TEX261: variants seen among roughly 807,000 people sequenced by gnomAD.
The protein encoded by TEX261 is testis expressed 261, also known as protein TEX261.
A neutral mutation model predicts 25.1 loss-of-function variants in TEX261; 13 were observed. The ratio of observed to expected loss-of-function variants is 0.52; its 90% CI spans 0.34 to 0.82. TEX261 has a LOEUF of 0.82. Ranked by LOEUF, TEX261 falls within the 40% of genes least tolerant of loss-of-function variation. The pLI is 0.02. For missense variants in TEX261, 206 were observed against 243.2 expected (o/e 0.85, Z 1.02); for synonymous variants, 92 against 97.8 (o/e 0.94, Z 0.35).
intron 4 of TEX261, chr2:70,989,241 G>A: frequency 1.7e-6 from 1 of 585,688 alleles, no homozygotes. Context: ...CCATATCTTG[G>A]TCGCTAGGAC....
chr2:70,994,590 T>C, intron 1 of TEX261, 98 bp downstream of exon 1: 1 of 1,501,204 alleles, frequency 6.7e-7, no homozygotes, highest in Non-Finnish European at 9.0e-7. Flanking sequence ...CGCCGGGCAG[T>C]GGTCCCCCGA....
chr2:70,994,320 G>A (rs1670364751), intron 1 of TEX261, among the ~76,000 whole-genome samples: 1 of 152,294 alleles, frequency 6.6e-6, no homozygotes, highest in Non-Finnish European at 1.5e-5. Flanking sequence ...GGTGGAGAGA[G>A]CAGGGAGCAT....
At chr2:70,988,824 A>G in intron 5 of TEX261, 91 bp downstream of exon 5, 1 of 1,533,494 alleles carries the variant, frequency 6.5e-7, no homozygotes, top group Non-Finnish European at 9.0e-7. Context: ...TCTCCAACAC[A>G]GGGCTAGATT....
intron 2 of TEX261, 22 bp from the exon 3 acceptor site, chr2:70,992,005 A>G: frequency 1.3e-6 from 2 of 1,552,176 alleles, no homozygotes; most frequent in Non-Finnish European, 1.7e-6. Flanking sequence ...AGAGGCAGAC[A>G]GTGCAGGGCG....
intron 3 of TEX261, among the ~76,000 whole-genome samples, chr2:70,990,122 A>C (rs1056524352): frequency 2.0e-5 from 3 of 152,144 alleles, no homozygotes; most frequent in Non-Finnish European, 2.9e-5. Context: ...TTTTTCGTGG[A>C]TGTGAGGGCT....
Position 70,988,984 on chromosome 2 carries a change from T to C in TEX261, c.406A>G (p.Ile136Val), listed in dbSNP as rs782589021. The stretch of plus-strand genomic sequence containing the variant: ...AGTGACACAAAAAACGCAAACGGAA[T>C]TATCCACAGGCAGAAAGTGAAATAG... The part of the protein sequence containing the change: ...LAYFTFCLWI[I>V]PFAFFVSLSA... The change falls in exon 5 of 6, where the codon ATT becomes GTT. Residue 136 changes from isoleucine (I) to valine (V), a missense_variant. Coordinates refer to ENST00000272438, the MANE Select transcript of TEX261 (RefSeq NM_144582.3). The C allele has an allele frequency of 3.1e-6, 5 of 1,613,906 alleles. No homozygotes were observed. In the African/African-American group the frequency reaches 6.7e-5, roughly 22 times the overall value.
At position 70,991,881 on chromosome 2, in the gene TEX261, G is replaced by A; in HGVS notation, c.253C>T (p.Gln85Ter). Reference sequence around the variant, plus strand: ...GTCAGCATGATGAAGGGGAAGGTCTGGAGGAGGCCAAAGTAGACGAGGTTG... The same window carrying A: ...GTCAGCATGATGAAGGGGAAGGTCTAGAGGAGGCCAAAGTAGACGAGGTTG... ...FTNLVYFGLLQTFPFIMLTSP... is the reference protein window; with the variant it reads ...FTNLVYFGLL The change falls in exon 3 of 6, where the codon CAG becomes TAG. Residue 85 changes from glutamine (Q) to a stop codon, truncating the protein, a stop_gained. Coordinates refer to ENST00000272438, the MANE Select transcript of TEX261 (RefSeq NM_144582.3). LOFTEE classifies it high-confidence loss of function. 6.2e-7 allele frequency: 1 copy of A among 1,613,892 alleles called. No homozygotes were observed. The highest frequency in any genetic ancestry group is 8.5e-7 in the Non-Finnish European group (1 of 1,179,896).
At chr2:70,990,819 C>G (rs1181971420) in intron 3 of TEX261, among the ~76,000 whole-genome samples, 1 of 152,176 alleles carries the variant, frequency 6.6e-6, no homozygotes, top group African/African-American at 2.4e-5. Context: ...GAGCCTGCTG[C>G]TGAGGGGCTG....
chr2:70,993,132 C>T (rs1429851136), intron 2 of TEX261, among the ~76,000 whole-genome samples: 1 of 152,222 alleles, frequency 6.6e-6, no homozygotes, highest in Non-Finnish European at 1.5e-5. Context: ...GCACCCCTAC[C>T]CCCAGCCTTT....
At chr2:70,989,158 G>A (rs1010931184) in intron 4 of TEX261, 141 bp from the exon 5 acceptor site, 7 of 690,678 alleles carry the variant, frequency 1.0e-5, no homozygotes, top group African/African-American at 7.2e-5. Flanking sequence ...AGCAGGGAAC[G>A]CCACCCTCAG....
rs1054331175 is a variant in TEX261, at chr2:70,986,508, G to A, written c.*2092C>T. ...TGTCACGATAATCCAGGTGAAAGCT[G>A]ATGACAGTGGGAGTGGCTCAAATCA... On this transcript the variant is annotated 3_prime_UTR_variant, in exon 6 of 6. Transcript: ENST00000272438. 6.5e-6 allele frequency: 1 copy of A among 152,722 alleles called. No homozygotes were observed. The highest frequency in any genetic ancestry group is 2.4e-5 in the African/African-American group (1 of 41,454). 9.5% of individuals were successfully genotyped at this position (152,722 alleles called of 1,614,324 possible).
rs782589021 is a variant in TEX261, at chr2:70,988,984, T to G, written c.406A>C (p.Ile136Leu). ...AGTGACACAAAAAACGCAAACGGAA[T>G]TATCCACAGGCAGAAAGTGAAATAG... ...LAYFTFCLWI[I>L]PFAFFVSLSA... The change falls in exon 5 of 6, where the codon ATT (isoleucine) becomes CTT (leucine). Residue 136 changes from isoleucine (I) to leucine (L), a missense_variant. Coordinates refer to ENST00000272438, the MANE Select transcript of TEX261 (RefSeq NM_144582.3). 1 of 1,614,024 alleles carries G rather than the reference T, an allele frequency of 6.2e-7. No individual in the cohort carries two copies. Among genetic ancestry groups the G allele is most frequent in the Non-Finnish European group, 8.5e-7 (1 of 1,179,988 alleles).
intron 3 of TEX261, among the ~76,000 whole-genome samples, chr2:70,991,392 G>A (rs1449648108): frequency 1.3e-5 from 2 of 152,234 alleles, no homozygotes; most frequent in Admixed American, 1.3e-4. Flanking sequence ...CCAGGCCAGA[G>A]TCTGCAAGGT....
intron 4 of TEX261, chr2:70,989,413 A>G (rs1035178257): frequency 1.5e-5 from 6 of 408,136 alleles, no homozygotes; most frequent in Non-Finnish European, 2.7e-5. Context: ...CCACTGGGAA[A>G]AGCTGGGGCT....
chr2:70,988,449 C>G lies in TEX261; in HGVS notation c.*151G>C, dbSNP rs138894839. 3.1e-5 allele frequency: 20 copies of G among 637,792 alleles called. No homozygotes were observed. The Admixed American group carries it at 4.8e-4, about 15-fold the overall frequency. The allele number at this position is 637,792 out of a possible 1,614,324, so 39.5% of individuals were successfully genotyped here. Reference sequence around the variant, plus strand: ...TCAGATCTGAGCCAAGCTGAGCCCCCCAAGGAGGGTGGGGATGGGGCTCCA... The same window carrying G: ...TCAGATCTGAGCCAAGCTGAGCCCCGCAAGGAGGGTGGGGATGGGGCTCCA... On this transcript the variant is annotated 3_prime_UTR_variant, in exon 6 of 6. Transcript: ENST00000272438.
At chr2:70,992,056 C>T in intron 2 of TEX261, 73 bp from the exon 3 acceptor site, 3 of 1,434,672 alleles carry the variant, frequency 2.1e-6, no homozygotes, top group Non-Finnish European at 1.9e-6. Context: ...AACCCCCAGC[C>T]CGCTCTGGGC....
chr2:70,990,080 C>T (rs781929559), intron 3 of TEX261, among the ~76,000 whole-genome samples: 6 of 152,172 alleles, frequency 3.9e-5, no homozygotes, highest in Non-Finnish European at 5.9e-5. Flanking sequence ...TTCTATGTTA[C>T]ATAATCCAAA....
Position 70,988,535 on chromosome 2 carries a change from C to T in TEX261, c.*65G>A. 7.5e-7 allele frequency: 1 copy of T among 1,326,410 alleles called. No homozygotes were observed. The highest frequency in any genetic ancestry group is 1.1e-6 in the Non-Finnish European group (1 of 920,452). The allele number at this position is 1,326,410 out of a possible 1,614,324, so 82.2% of individuals were successfully genotyped here. A position where few individuals can be genotyped will look rare whatever the true frequency, so the allele number is the denominator to read the frequency against. ...TGCCTTCCCGACTTCTGGTCCCCAC[C>T]TGGCATAGAGGCCCAGGGGCCTGAC... On this transcript the variant is annotated 3_prime_UTR_variant, in exon 6 of 6. Coordinates refer to ENST00000272438, the MANE Select transcript of TEX261 (RefSeq NM_144582.3).
Sources: allele counts gnomAD v4.1 joint callset (sites outside exome capture counted in the v4.1 genomes callset), GRCh38; gene constraint gnomAD v4.1.1; transcripts MANE v1.5; gene names NCBI Gene and HGNC (gene_info 2026-07-23, HGNC 2026-07-21).